PCDHA4: variants seen among roughly 807,000 people sequenced by gnomAD.
PCDHA4 encodes the protein protocadherin alpha-4.
A neutral mutation model predicts 61.4 loss-of-function variants in PCDHA4; 49 were observed. That is an observed-to-expected ratio of 0.80 (90% CI 0.63 to 1.01). PCDHA4 has a LOEUF of 1.01. Among genes scored for constraint, PCDHA4 ranks in the 50% least tolerant of loss-of-function variants. The pLI is 0.00. For synonymous variants in PCDHA4, 590 were observed against 550.3 expected (o/e 1.07, Z -1.01); for missense variants, 1,254 against 1,235.8 (o/e 1.01, Z -0.22).
chr5:140,844,321 A>T lies in PCDHA4; in HGVS notation c.2385+34749A>T, dbSNP rs1407685280. Reference sequence around the variant, plus strand: ...TAGTTTTCATATTCTTCCTAATTTTATTATAAACTAGTTAAAAAGTAAAAT... The same window carrying T: ...TAGTTTTCATATTCTTCCTAATTTTTTTATAAACTAGTTAAAAAGTAAAAT... On this transcript the variant is annotated intron_variant, in intron 1 of 3. Coordinates refer to ENST00000530339, the MANE Select transcript of PCDHA4 (RefSeq NM_018907.4). Among the ~76,000 whole-genome samples the T allele has an allele frequency of 6.0e-5, 9 of 149,650 alleles. 1 individual carries two copies. Among genetic ancestry groups the T allele is most frequent in the African/African-American group, 2.2e-4 (9 of 41,032 alleles).
intron 1 of PCDHA4, chr5:140,825,625 T>C (rs1768653929): frequency 6.6e-6 from 1 of 151,914 alleles, no homozygotes; most frequent in Admixed American, 6.6e-5. Context: ...TTTCACCATG[T>C]TGGTCATGGT....
rs548886698 is a variant in PCDHA4 at position 140,887,948 on chromosome 5, T to A, written c.2385+78376T>A. 7.1e-4 allele frequency among the ~76,000 whole-genome samples: 108 copies of A among 152,348 alleles called. 2 individuals carry two copies. Among genetic ancestry groups the A allele is most frequent in the Admixed American group, 7.0e-3 (107 of 15,298 alleles). On this transcript the variant is annotated intron_variant, in intron 1 of 3. Transcript: ENST00000530339. ...AGACCATATTTATTTCTTATCTGTA[T>A]AAGATTCTTTTTGTCTCTTTTAAAA... is the stretch of plus-strand genomic sequence containing the variant.
At chr5:140,982,608 T>C (rs782789536) in intron 3 of PCDHA4, 45 bp downstream of exon 3, 1 of 1,601,306 alleles carries the variant, frequency 6.2e-7, no homozygotes, top group Non-Finnish European at 8.5e-7. Flanking sequence ...TTCTGGAAAG[T>C]GATCAGATGA....
intron 1 of PCDHA4, among the ~76,000 whole-genome samples, chr5:140,819,152 A>G (rs2150103234): frequency 0.013 from 1,992 of 152,322 alleles, 29 homozygotes; most frequent in Non-Finnish European, 0.023. Flanking sequence ...TAATTTTTAT[A>G]CAGAATTAAT....
intron 1 of PCDHA4, chr5:140,927,930 G>A (rs782236455): frequency 1.9e-5 from 30 of 1,614,062 alleles, no homozygotes; most frequent in Admixed American, 5.0e-5. Flanking sequence ...TGACTCTTTC[G>A]AACCCAGTAC....
chr5:140,962,248 A>G (rs782618740), intron 1 of PCDHA4, among the ~76,000 whole-genome samples: 5 of 152,182 alleles, frequency 3.3e-5, no homozygotes, highest in Non-Finnish European at 5.9e-5. Context: ...ATTTTCTTCA[A>G]TGAAAAATAA....
chr5:140,831,736 C>A (rs1771682555), intron 1 of PCDHA4, among the ~76,000 whole-genome samples: 1 of 152,014 alleles, frequency 6.6e-6, no homozygotes. Flanking sequence ...TCCTCCCTTG[C>A]CTAAATTTCA....
In PCDHA4 at chr5:140,809,146, C is replaced by A. The variant is rs1554125024; in HGVS notation, c.1959C>A (p.Asp653Glu). 1.2e-6 allele frequency: 2 copies of A among 1,613,986 alleles called. No homozygotes were observed. Among genetic ancestry groups the A allele is most frequent in the East Asian group, 4.5e-5 (2 of 44,872 alleles). ...ACCGCCTACTGGTACTGGTGAAGGACCACGGCGAGCCCGCGCTGACGGCCA... is the reference window on the plus strand; with the variant it reads ...ACCGCCTACTGGTACTGGTGAAGGAACACGGCGAGCCCGCGCTGACGGCCA... ...PRHRLLVLVK[D>E]HGEPALTATA... The change falls in exon 1 of 4, where the codon GAC becomes GAA. Residue 653 changes from aspartate to glutamate, a missense_variant. Transcript: ENST00000530339.
chr5:141,009,724 T>C lies in PCDHA4; in HGVS notation c.2631T>C (p.Gly877=). ...KYGPGNPKQS[G]PGELPDKFII... The stretch of plus-strand genomic sequence containing the variant: ...GACCAGGCAACCCCAAACAATCCGG[T>C]CCCGGTGAGTTGCCCGACAAATTCA... Residue 877 remains glycine, a synonymous_variant, in exon 4 of 4, where the codon GGT becomes GGC. Transcript: ENST00000530339. 6.2e-7 allele frequency: 1 copy of C among 1,614,116 alleles called. No individual in the cohort carries two copies. Among genetic ancestry groups the C allele is most frequent in the South Asian group, 1.1e-5 (1 of 91,062 alleles).
chr5:140,945,689 T>G (rs529270613), intron 1 of PCDHA4, among the ~76,000 whole-genome samples: 30 of 152,170 alleles, frequency 2.0e-4, no homozygotes, highest in African/African-American at 7.0e-4. Context: ...ACAGTTACTG[T>G]CCACTGATTT....
In PCDHA4 at chr5:140,830,011, G is replaced by T. The variant is rs2150179426; in HGVS notation, c.2385+20439G>T. On this transcript the variant is annotated intron_variant, in intron 1 of 3. Coordinates refer to ENST00000530339, the MANE Select transcript of PCDHA4 (RefSeq NM_018907.4). ...GCACCACTCGTGTCCTGGACGAAGC[G>T]GACTCTCCGCGCCACCGGCTGCTGG... The T allele has an allele frequency of 1.1e-5, 17 of 1,613,912 alleles. No individual in the cohort carries two copies. In the East Asian group the frequency reaches 3.6e-4, roughly 34 times the overall value.
rs782773036 is a variant in PCDHA4 at position 140,870,430 on chromosome 5, G to T, written c.2385+60858G>T. 3 of 1,614,226 alleles carry T rather than the reference G, an allele frequency of 1.9e-6. No homozygotes were observed. In the African/African-American group the frequency reaches 4.0e-5, roughly 22 times the overall value. The stretch of plus-strand genomic sequence containing the variant: ...GTGGGCCACGGCCAGGGTATCCGTG[G>T]AGGTGGCCGACGTGAACGACAATGC... On this transcript the variant is annotated intron_variant, in intron 1 of 3. Transcript: ENST00000530339.
intron 1 of PCDHA4, chr5:140,869,801 T>C: frequency 6.2e-7 from 1 of 1,612,816 alleles, no homozygotes; most frequent in African/African-American, 1.3e-5. Flanking sequence ...GTCCAAGTCT[T>C]GGATGTCAAC....
chr5:140,853,885 T>C (rs1456390498), intron 1 of PCDHA4: 1 of 979,240 alleles, frequency 1.0e-6, no homozygotes, highest in Non-Finnish European at 1.2e-6. Context: ...TTCTGTAATT[T>C]AAAAAGATGT....
intron 1 of PCDHA4, among the ~76,000 whole-genome samples, chr5:140,940,470 A>G (rs182796886): frequency 4.7e-5 from 7 of 149,652 alleles, no homozygotes; most frequent in African/African-American, 9.8e-5. Flanking sequence ...GTTCCCTGCA[A>G]TTTTTTTTTT....
chr5:140,842,789 G>T (rs1554139384), intron 1 of PCDHA4: 1 of 1,594,392 alleles, frequency 6.3e-7, no homozygotes, highest in African/African-American at 1.3e-5. Context: ...GAACGCGCTG[G>T]TGTCCTACTC....
intron 1 of PCDHA4, chr5:140,968,152 C>T (rs782362724): frequency 6.2e-7 from 1 of 1,614,172 alleles, no homozygotes; most frequent in South Asian, 1.1e-5. Context: ...TCTCTGACAT[C>T]AATGACAATC....
At chr5:140,861,758 T>C (rs1469300232) in intron 1 of PCDHA4, 1 of 93,472 alleles carries the variant, frequency 1.1e-5, no homozygotes, top group African/African-American at 4.7e-5. Context: ...TGATTATTTT[T>C]CCCTGGAAAT....
intron 1 of PCDHA4, among the ~76,000 whole-genome samples, chr5:140,946,707 A>C (rs2094013917): frequency 6.7e-6 from 1 of 150,204 alleles, no homozygotes; most frequent in East Asian, 1.9e-4. Context: ...TCTGGAGGTC[A>C]TTATGTTTAG....
Sources: allele counts gnomAD v4.1 joint callset (sites outside exome capture counted in the v4.1 genomes callset), GRCh38; gene constraint gnomAD v4.1.1; transcripts MANE v1.5; gene names NCBI Gene and HGNC (gene_info 2026-07-23, HGNC 2026-07-21).